Variants in ZNF365 observed in about 807,000 individuals in gnomAD.
ZNF365 encodes the protein zinc finger protein 365.
ZNF365 carries 22 observed loss-of-function variants against 35.0 expected under a neutral mutation model. The observed-to-expected ratio is 0.63, with a 90% CI of 0.45 to 0.90. The LOEUF is 0.90. ZNF365 is among the 40% of genes least tolerant of loss of function. The probability of loss-of-function intolerance (pLI) is 0.00; values close to 1 mark genes in which losing one functional copy is unlikely to be tolerated. For missense variants in ZNF365, 448 were observed against 500.3 expected, an observed-to-expected ratio of 0.90 and a Z score of 1.00; for synonymous variants, 188 against 196.2, an observed-to-expected ratio of 0.96 and a Z score of 0.35.
chr10:62,455,807 G>A (rs907758252), intron 3 of ZNF365, among the ~76,000 whole-genome samples: 1 of 152,174 alleles, frequency 6.6e-6, no homozygotes, highest in Admixed American at 6.5e-5. Context: ...CCATTTTACT[G>A]ATAAGTGAAT....
chr10:62,409,584 G>T (rs1436772810), intron 3 of ZNF365, among the ~76,000 whole-genome samples: 1 of 152,020 alleles, frequency 6.6e-6, no homozygotes, highest in East Asian at 1.9e-4. Flanking sequence ...GGCACAAAAG[G>T]GTTTTTTTGT....
rs1455738838 is a variant in ZNF365, at chr10:62,401,359, A to G, written c.*1570A>G. ...ATAAGCATCAAATTAGCAGCGCATTAAAAATAGGAAATAAAGCAGTTGCTT... is the reference window on the plus strand; with the variant it reads ...ATAAGCATCAAATTAGCAGCGCATTGAAAATAGGAAATAAAGCAGTTGCTT... On this transcript the variant is annotated 3_prime_UTR_variant, in exon 5 of 5. Transcript: ENST00000395254. The G allele has an allele frequency of 1.0e-6, 1 of 985,432 alleles. No individual in the cohort carries two copies. The highest frequency in any genetic ancestry group is 1.2e-6 in the Non-Finnish European group (1 of 829,932). 61.0% of individuals were successfully genotyped at this position (985,432 alleles called of 1,614,324 possible).
At chr10:62,446,566 G>A (rs1300910471) in intron 3 of ZNF365, among the ~76,000 whole-genome samples, 1 of 151,370 alleles carries the variant, frequency 6.6e-6, no homozygotes, top group East Asian at 1.9e-4. Context: ...TAGGCAGAAG[G>A]AAACAGCAAC....
chr10:62,423,216 A>G (rs1470510598), intron 3 of ZNF365, among the ~76,000 whole-genome samples: 1 of 25,866 alleles, frequency 3.9e-5, no homozygotes, highest in African/African-American at 9.2e-5. Context: ...ATAGAAACTT[A>G]AAAAAAAAAC....
chr10:62,413,437 T>G lies in ZNF365; in HGVS notation c.924+24861T>G, dbSNP rs550808606. 1.1e-3 allele frequency among the ~76,000 whole-genome samples: 168 copies of G among 152,318 alleles called. 2 individuals carry two copies. Among genetic ancestry groups the G allele is most frequent in the African/African-American group, 4.0e-3 (167 of 41,562 alleles). On this transcript the variant is annotated intron_variant, in intron 3 of 4. Transcript: ENST00000395255. ...TTCTAAGGGAACATGCATTAACGTC[T>G]TCTGCAAACACAGCAGTTACTGTTC... is the stretch of plus-strand genomic sequence containing the variant.
chr10:62,423,311 G>C (rs1840202445), intron 3 of ZNF365, among the ~76,000 whole-genome samples: 1 of 151,924 alleles, frequency 6.6e-6, no homozygotes, highest in Non-Finnish European at 1.5e-5. Flanking sequence ...AAAGGAGTTG[G>C]TATACTAAGA....
At chr10:62,421,863 G>T (rs190681199) in intron 3 of ZNF365, among the ~76,000 whole-genome samples, 1 of 152,310 alleles carries the variant, frequency 6.6e-6, no homozygotes, top group East Asian at 1.9e-4. Flanking sequence ...AACTATAGTT[G>T]TTACAGATGT....
intron 4 of ZNF365, among the ~76,000 whole-genome samples, chr10:62,470,814 T>A (rs1331636584): frequency 6.6e-6 from 1 of 152,178 alleles, no homozygotes; most frequent in African/African-American, 2.4e-5. Flanking sequence ...TTATTTTGAT[T>A]ATTTTTTCCT....
chr10:62,395,909 TG>T (rs1299423625), intron 3 of ZNF365, among the ~76,000 whole-genome samples: 1 of 152,212 alleles, frequency 6.6e-6, no homozygotes. Flanking sequence ...TTTTCCAATC[TG>T]GGACCTTGAT....
At chr10:62,477,664 T>C (rs1914177) in intron 4 of ZNF365, among the ~76,000 whole-genome samples, 151,411 of 152,316 alleles carry the variant, frequency 0.99, 75,267 homozygotes, top group Middle Eastern at 1. Context: ...TTCTTCCTCA[T>C]ACTAAATGCC....
At chr10:62,461,872 A>G (rs1380361658) in intron 4 of ZNF365, among the ~76,000 whole-genome samples, 2 of 152,222 alleles carry the variant, frequency 1.3e-5, no homozygotes, top group African/African-American at 4.8e-5. Flanking sequence ...CTTCGACAAT[A>G]AGCAAACCTA....
chr10:62,470,645 T>C (rs1002184039), intron 4 of ZNF365, among the ~76,000 whole-genome samples: 1 of 152,240 alleles, frequency 6.6e-6, no homozygotes, highest in Non-Finnish European at 1.5e-5. Context: ...ACACTTTCCA[T>C]GTTATGACAG....
intron 3 of ZNF365, among the ~76,000 whole-genome samples, chr10:62,458,108 G>A (rs913947590): frequency 2.6e-5 from 4 of 152,128 alleles, no homozygotes; most frequent in East Asian, 1.9e-4. Flanking sequence ...AAAGTCAAAC[G>A]GTGCAACCAT....
intron 3 of ZNF365, among the ~76,000 whole-genome samples, chr10:62,432,109 C>T (rs1046536429): frequency 7.2e-5 from 11 of 152,100 alleles, no homozygotes; most frequent in South Asian, 6.2e-4. Flanking sequence ...GATTTGTCTG[C>T]CACTTGAGAC....
At chr10:62,473,564 C>G (rs186265114) in intron 4 of ZNF365, among the ~76,000 whole-genome samples, 43 of 146,594 alleles carry the variant, frequency 2.9e-4, no homozygotes, top group Non-Finnish European at 5.2e-4. Context: ...AGTACTTCCA[C>G]CTCTCTGTAA....
intron 3 of ZNF365, among the ~76,000 whole-genome samples, chr10:62,409,987 T>C (rs1255619518): frequency 6.6e-6 from 1 of 152,126 alleles, no homozygotes; most frequent in Non-Finnish European, 1.5e-5. Context: ...CTGGCCCTAG[T>C]GCATTTATAG....
exon 5 of ZNF365, chr10:62,479,946 G>T (rs369090521): frequency 1.2e-6 from 2 of 1,609,456 alleles, no homozygotes; most frequent in Middle Eastern, 1.7e-4. Context: ...CAAGAGAATC[G>T]CAAATTAATT....
chr10:62,479,522 T>C (rs1420333846), intron 4 of ZNF365, among the ~76,000 whole-genome samples: 2 of 152,214 alleles, frequency 1.3e-5, no homozygotes, highest in Admixed American at 6.5e-5. Flanking sequence ...ATGGTGATTA[T>C]ATAACTTATC....
chr10:62,415,093 G>C (rs1295034379), intron 3 of ZNF365, among the ~76,000 whole-genome samples: 1 of 142,464 alleles, frequency 7.0e-6, no homozygotes, highest in Non-Finnish European at 1.6e-5. Flanking sequence ...TTATTTTTTT[G>C]AACATATTAA....
Sources: allele counts gnomAD v4.1 joint callset (sites outside exome capture counted in the v4.1 genomes callset), GRCh38; gene constraint gnomAD v4.1.1; transcripts MANE v1.5; gene names NCBI Gene and HGNC (gene_info 2026-07-23, HGNC 2026-07-21).